The following FHIT variants were observed in gnomAD, a reference collection of about 807,000 sequenced individuals.
FHIT encodes fragile histidine triad diadenosine triphosphatase.
In FHIT, 19 loss-of-function variants were observed where a neutral mutation model predicts 17.9. The ratio of observed to expected loss-of-function variants is 1.06; its 90% CI spans 0.74 to 1.56. The LOEUF is 1.56. FHIT is among the 40% of genes most tolerant of loss of function. The pLI, the probability that FHIT is intolerant of heterozygous loss-of-function variation, is 0.00. For synonymous variants in FHIT, 81 were observed against 69.7 expected (o/e 1.16, Z -0.81); for missense variants, 248 against 189.2 (o/e 1.31, Z -1.82).
At chr3:60,722,205 A>T (rs1165379991) in intron 4 of FHIT, among the ~76,000 whole-genome samples, 2 of 152,176 alleles carry the variant, frequency 1.3e-5, no homozygotes, top group African/African-American at 4.8e-5. Flanking sequence ...TGAGCGACAG[A>T]ACTGAAACCC....
chr3:59,965,483 T>G (rs1707884636), intron 7 of FHIT, among the ~76,000 whole-genome samples: 1 of 152,160 alleles, frequency 6.6e-6, no homozygotes, highest in African/African-American at 2.4e-5. Flanking sequence ...ACTTAGTTTC[T>G]TGCAGAACTG....
chr3:59,752,663 C>G (rs994292906), intron 8 of FHIT, among the ~76,000 whole-genome samples: 5 of 152,076 alleles, frequency 3.3e-5, no homozygotes, highest in Admixed American at 6.6e-5. Context: ...GGCAGAATTC[C>G]CCATTGGTGC....
intron 8 of FHIT, among the ~76,000 whole-genome samples, chr3:59,838,088 A>T (rs1701402595): frequency 6.6e-6 from 1 of 152,062 alleles, no homozygotes; most frequent in African/African-American, 2.4e-5. Context: ...CTCCACAGTC[A>T]TTCACTCTCG....
chr3:60,149,990 T>C (rs999370752), intron 5 of FHIT, among the ~76,000 whole-genome samples: 2 of 41,604 alleles, frequency 4.8e-5, no homozygotes, highest in Non-Finnish European at 9.2e-5. Flanking sequence ...TTAAGCCTTT[T>C]TTTTTTTTTT....
chr3:59,960,771 T>TC (rs1707636687), intron 7 of FHIT, among the ~76,000 whole-genome samples: 1 of 152,198 alleles, frequency 6.6e-6, no homozygotes, highest in Non-Finnish European at 1.5e-5. Flanking sequence ...TAATTACACT[T>TC]CCCTTGGTTC....
chr3:61,067,560 G>A (rs571304428), intron 2 of FHIT, among the ~76,000 whole-genome samples: 29 of 152,052 alleles, frequency 1.9e-4, no homozygotes, highest in Non-Finnish European at 4.1e-4. Context: ...CTTCCCACAC[G>A]AATGACCTTA....
intron 8 of FHIT, among the ~76,000 whole-genome samples, chr3:59,788,894 A>G (rs866135879): frequency 7.5e-5 from 1 of 13,334 alleles, no homozygotes; most frequent in Non-Finnish European, 1.5e-4. Context: ...TTTTTTTTTT[A>G]CCCCATCTCC....
At chr3:61,198,717 T>C (rs765512123) in intron 2 of FHIT, among the ~76,000 whole-genome samples, 9 of 152,196 alleles carry the variant, frequency 5.9e-5, no homozygotes, top group Admixed American at 3.3e-4. Flanking sequence ...CCTCACTTCC[T>C]GTATTACCTG....
intron 4 of FHIT, among the ~76,000 whole-genome samples, chr3:60,749,668 G>T (rs2042428424): frequency 6.6e-6 from 1 of 152,174 alleles, no homozygotes; most frequent in Non-Finnish European, 1.5e-5. Context: ...TGCTGAATAA[G>T]ACACAGCAGG....
intron 4 of FHIT, among the ~76,000 whole-genome samples, chr3:60,754,154 T>G (rs782666716): frequency 6.6e-6 from 1 of 152,200 alleles, no homozygotes; most frequent in Non-Finnish European, 1.5e-5. Context: ...ACTTCTTCAT[T>G]TGATATTCTC....
chr3:60,890,629 T>G (rs1575650375), intron 3 of FHIT, among the ~76,000 whole-genome samples: 1 of 152,328 alleles, frequency 6.6e-6, no homozygotes, highest in East Asian at 1.9e-4. Flanking sequence ...AAGTAGTCCC[T>G]CTTATATGAC....
At chr3:60,262,422 T>C (rs547599589) in intron 5 of FHIT, among the ~76,000 whole-genome samples, 3 of 152,132 alleles carry the variant, frequency 2.0e-5, no homozygotes, top group Non-Finnish European at 4.4e-5. Flanking sequence ...CAACCACCCC[T>C]ACAAACCTTT....
intron 5 of FHIT, among the ~76,000 whole-genome samples, chr3:60,469,858 T>C (rs1330803289): frequency 1.3e-5 from 2 of 152,154 alleles, no homozygotes; most frequent in African/African-American, 4.8e-5. Context: ...TACCCGTTTC[T>C]ACTTTAGGGG....
At chr3:60,002,290 T>G (rs1288652370) in intron 7 of FHIT, among the ~76,000 whole-genome samples, 2 of 152,126 alleles carry the variant, frequency 1.3e-5, no homozygotes, top group East Asian at 1.9e-4. Flanking sequence ...TTGTGTGTGT[T>G]TTTTTGTTTG....
intron 2 of FHIT, among the ~76,000 whole-genome samples, chr3:61,173,753 G>A (rs1434941910): frequency 6.6e-6 from 1 of 152,158 alleles, no homozygotes; most frequent in Non-Finnish European, 1.5e-5. Flanking sequence ...GGAGGTTTGG[G>A]CACCCAGCCA....
At chr3:60,586,975 C>T (rs1454200064) in intron 4 of FHIT, among the ~76,000 whole-genome samples, 3 of 151,876 alleles carry the variant, frequency 2.0e-5, no homozygotes, top group African/African-American at 7.3e-5. Context: ...AAACCTGCAC[C>T]TGTACCCCTG....
rs529062784 is a variant in FHIT, at chr3:60,926,326, T to C, written c.-110-104315A>G. Among the ~76,000 whole-genome samples the C allele has an allele frequency of 2.0e-4, 30 of 152,276 alleles. No homozygotes were observed. In the East Asian group the frequency reaches 3.7e-3, roughly 19 times the overall value. On this transcript the variant is annotated intron_variant, in intron 3 of 9. Coordinates refer to ENST00000492590, the MANE Select transcript of FHIT (RefSeq NM_002012.4). ...TGGAAGTAAAGCACTCCTCAGCAAA[T>C]GTAAAATAACAGAAATTATAACAAA...
intron 7 of FHIT, among the ~76,000 whole-genome samples, chr3:60,004,276 A>G (rs189809262): frequency 8.4e-4 from 128 of 152,260 alleles, no homozygotes; most frequent in African/African-American, 2.8e-3. Flanking sequence ...AAAACACTGA[A>G]TGTCCCTACT....
intron 7 of FHIT, among the ~76,000 whole-genome samples, chr3:59,980,727 A>G (rs1375910469): frequency 1.3e-5 from 2 of 152,294 alleles, no homozygotes; most frequent in Middle Eastern, 3.4e-3. Context: ...AGAAGATAGC[A>G]TCTATGAACC....
Sources: gnomAD v4.1 joint callset for allele counts (sites outside exome capture counted in the v4.1 genomes callset) on GRCh38, gnomAD v4.1.1 for gene constraint, MANE v1.5 for transcripts, NCBI Gene and HGNC (gene_info 2026-07-23, HGNC 2026-07-21) for gene names.